The following VTCN1 variants were observed in gnomAD, a reference collection of about 807,000 sequenced individuals.
VTCN1 encodes the protein V-set domain-containing T-cell activation inhibitor 1.
Under a neutral mutation model 26.5 loss-of-function variants are expected in VTCN1, and 26 were observed. The ratio of observed to expected loss-of-function variants is 0.98; its 90% CI spans 0.72 to 1.36. The LOEUF (loss-of-function observed/expected upper bound fraction) is 1.36. Among genes scored for constraint, VTCN1 ranks in the 40% most tolerant of loss-of-function variants. The pLI, the probability that VTCN1 is intolerant of heterozygous loss-of-function variation, is 0.00. For synonymous variants in VTCN1, 116 were observed against 130.7 expected, an observed-to-expected ratio of 0.89 and a Z score of 0.77; for missense variants, 298 against 337.7, an observed-to-expected ratio of 0.88 and a Z score of 0.92.
intron 1 of VTCN1, chr1:117,170,429 C>A: frequency 1.8e-6 from 1 of 542,404 alleles, no homozygotes; most frequent in Non-Finnish European, 3.5e-6. Context: ...GTCCTATTTC[C>A]AGATCAGGGA....
At chr1:117,205,011 T>C (rs932675705) in intron 1 of VTCN1, among the ~76,000 whole-genome samples, 3 of 150,152 alleles carry the variant, frequency 2.0e-5, no homozygotes, top group African/African-American at 7.5e-5. Context: ...CATATATATA[T>C]GCGTATATAT....
intron 3 of VTCN1, 55 bp from the exon 4 acceptor site, chr1:117,153,424 T>G: frequency 2.0e-6 from 3 of 1,531,916 alleles, no homozygotes; most frequent in Non-Finnish European, 1.8e-6. Flanking sequence ...CGTAAGACAA[T>G]ATAGCCTTTG....
chr1:117,204,747 T>TC (rs1648956413), intron 1 of VTCN1, among the ~76,000 whole-genome samples: 1 of 151,888 alleles, frequency 6.6e-6, no homozygotes, highest in Non-Finnish European at 1.5e-5. Flanking sequence ...GCACCTGTAG[T>TC]CCCAGCTACT....
chr1:117,203,784 G>T (rs536157500), intron 1 of VTCN1: 2 of 985,284 alleles, frequency 2.0e-6, no homozygotes, highest in Non-Finnish European at 1.2e-6. Flanking sequence ...AGCACAGAGC[G>T]GCTGCTAATA....
At chr1:117,149,405 A>G (rs956023343) in intron 4 of VTCN1, among the ~76,000 whole-genome samples, 1 of 151,626 alleles carries the variant, frequency 6.6e-6, no homozygotes, top group Non-Finnish European at 1.5e-5. Flanking sequence ...ATCACCAAGG[A>G]CTGTACATTA....
rs115884997 is a variant in VTCN1, at chr1:117,156,601, T to G, written c.418A>C (p.Asn140His). The change falls in exon 3 of 6, where the codon AAT becomes CAT. Residue 140 changes from asparagine (N) to histidine (H), a missense_variant. Transcript: ENST00000369458. Reference sequence around the variant, plus strand: ...CCAGTTTTATACTCAAGGTTAGCATTCCCCTTGCCTTTAGAAGTGATGATA... The same window carrying G: ...CCAGTTTTATACTCAAGGTTAGCATGCCCCTTGCCTTTAGAAGTGATGATA... ...CYIITSKGKG[N>H]ANLEYKTGAF... 138 of 1,602,390 alleles carry G rather than the reference T, an allele frequency of 8.6e-5. No individual in the cohort carries two copies. The highest frequency in any genetic ancestry group is 7.0e-4 in the African/African-American group (52 of 74,786).
At chr1:117,182,949 C>A (rs551077096) in intron 1 of VTCN1, among the ~76,000 whole-genome samples, 7 of 152,262 alleles carry the variant, frequency 4.6e-5, no homozygotes, top group African/African-American at 1.2e-4. Context: ...GGCTACGGAG[C>A]TCTTATGAAT....
At chr1:117,200,982 T>C (rs1484083289) in intron 1 of VTCN1, among the ~76,000 whole-genome samples, 1 of 152,190 alleles carries the variant, frequency 6.6e-6, no homozygotes, top group Non-Finnish European at 1.5e-5. Flanking sequence ...GGTTTCTGCA[T>C]GTTGCCTAAT....
chr1:117,157,177 T>C (rs1189548046), intron 2 of VTCN1, among the ~76,000 whole-genome samples: 1 of 150,892 alleles, frequency 6.6e-6, no homozygotes, highest in Non-Finnish European at 1.5e-5. Flanking sequence ...GAGAACACAT[T>C]GGACTTGGGG....
In VTCN1 at chr1:117,159,223, A is replaced by C. The variant is rs1329545459; in HGVS notation, c.98-2302T>G. 6.6e-6 allele frequency among the ~76,000 whole-genome samples: 1 copy of C among 152,216 alleles called. No individual in the cohort carries two copies. ...ATTTACTGTATTAGTCCATTTTCAC[A>C]GTGCTGATAAAGAAATACCCGAGAC... On this transcript the variant is annotated intron_variant, in intron 2 of 5. Transcript: ENST00000369458. This position sits in a 1 kb window ranked among gnomAD's most constrained non-coding sequence, Gnocchi z 4.7.
intron 2 of VTCN1, among the ~76,000 whole-genome samples, chr1:117,168,370 T>C (rs1652721209): frequency 1.3e-5 from 2 of 152,120 alleles, no homozygotes; most frequent in Admixed American, 1.3e-4. Flanking sequence ...AAGGAAAAAA[T>C]GAATCTTGAC....
In VTCN1 at chr1:117,173,365, AACAC is replaced by A. The variant is rs140251705; in HGVS notation, c.33-3198_33-3195del. 3.5e-3 allele frequency: 1,344 copies of A among 382,822 alleles called. 14 individuals carry two copies. The highest frequency in any genetic ancestry group is 0.02 in the African/African-American group (909 of 46,418). 23.7% of individuals were successfully genotyped at this position (382,822 alleles called of 1,614,324 possible). A position where few individuals can be genotyped will look rare whatever the true frequency, so the allele number is the denominator to read the frequency against. Reference sequence around the variant, plus strand: ...AAAAGGGGAAATTTGGACACAGATGAACACACACACACACACACACACACAACAC... The same window carrying A: ...AAAAGGGGAAATTTGGACACAGATGAACACACACACACACACACACAACAC... On this transcript the variant is annotated intron_variant, in intron 1 of 5. Coordinates refer to ENST00000369458, the MANE Select transcript of VTCN1 (RefSeq NM_024626.4).
chr1:117,197,301 A>G (rs1648561116), intron 1 of VTCN1, among the ~76,000 whole-genome samples: 1 of 152,176 alleles, frequency 6.6e-6, no homozygotes, highest in African/African-American at 2.4e-5. Context: ...GAGAAGTAGC[A>G]ATGTTCACAC....
intron 1 of VTCN1, among the ~76,000 whole-genome samples, chr1:117,176,717 CA>C (rs1248835451): frequency 6.6e-6 from 1 of 152,150 alleles, no homozygotes; most frequent in South Asian, 2.1e-4. Flanking sequence ...CAAGTTGCAG[CA>C]AACATATTAC....
At chr1:117,185,941 A>G (rs1647922801) in intron 1 of VTCN1, among the ~76,000 whole-genome samples, 1 of 152,128 alleles carries the variant, frequency 6.6e-6, no homozygotes, top group Admixed American at 6.6e-5. Context: ...CTGTACCCTA[A>G]CCACCTTGGG....
At chr1:117,194,515 C>T (rs572407565) in intron 1 of VTCN1, among the ~76,000 whole-genome samples, 2 of 152,168 alleles carry the variant, frequency 1.3e-5, no homozygotes, top group East Asian at 1.9e-4. Flanking sequence ...AATCTCACTA[C>T]TGGGTATATA....
intron 1 of VTCN1, among the ~76,000 whole-genome samples, chr1:117,179,111 T>C (rs1028693113): frequency 1.3e-5 from 2 of 152,174 alleles, no homozygotes; most frequent in African/African-American, 2.4e-5. Context: ...TTAACATGCA[T>C]ACTTAGAACA....
At chr1:117,172,024 C>T (rs1258037705) in intron 1 of VTCN1, among the ~76,000 whole-genome samples, 2 of 152,162 alleles carry the variant, frequency 1.3e-5, no homozygotes, top group Non-Finnish European at 2.9e-5. Context: ...GAAGCTCGCC[C>T]GTTGCTGCCT....
intron 1 of VTCN1, among the ~76,000 whole-genome samples, chr1:117,184,946 C>T (rs1490138647): frequency 2.0e-5 from 3 of 152,172 alleles, no homozygotes; most frequent in African/African-American, 7.2e-5. Context: ...CCAGTTTTCC[C>T]TTAGTCTAGA....
Sources: gnomAD v4.1 joint callset for allele counts (sites outside exome capture counted in the v4.1 genomes callset) on GRCh38, gnomAD v4.1.1 for gene constraint, Gnocchi (gnomAD v3.1) non-coding constraint, MANE v1.5 for transcripts, NCBI Gene and HGNC (gene_info 2026-07-23, HGNC 2026-07-21) for gene names.